Variants in KAT2B observed in about 807,000 individuals in gnomAD.
KAT2B encodes the protein lysine acetyltransferase 2B, also known as histone acetyltransferase KAT2B.
Under a neutral mutation model 105.9 loss-of-function variants are expected in KAT2B, and 36 were observed. That is an observed-to-expected ratio of 0.34 (90% CI 0.26 to 0.45). KAT2B has a LOEUF of 0.45. Among genes scored for constraint, KAT2B ranks in the 20% least tolerant of loss-of-function variants. KAT2B has a pLI of 1.00. For missense variants in KAT2B, 820 were observed against 1,021.6 expected, an observed-to-expected ratio of 0.80 and a Z score of 2.69; for synonymous variants, 397 against 377.9, an observed-to-expected ratio of 1.05 and a Z score of -0.59.
chr3:20,127,336 T>A lies in KAT2B; in HGVS notation c.1623-87T>A, dbSNP rs550220820. 6.6e-5 allele frequency: 77 copies of A among 1,173,958 alleles called. No individual in the cohort carries two copies. The Admixed American group carries it at 1.5e-3, about 22-fold the overall frequency. 72.7% of individuals were successfully genotyped at this position (1,173,958 alleles called of 1,614,324 possible). A position where few individuals can be genotyped will look rare whatever the true frequency, so the allele number is the denominator to read the frequency against. On this transcript the variant is annotated intron_variant, in intron 10 of 17. Coordinates refer to ENST00000263754, the MANE Select transcript of KAT2B (RefSeq NM_003884.5). ...ATAGAAACTTAGGACATGTCCCTCTTTCTTAGTTGGTTAATAAGGAACACC... is the reference window on the plus strand; with the variant it reads ...ATAGAAACTTAGGACATGTCCCTCTATCTTAGTTGGTTAATAAGGAACACC...
At chr3:20,101,054 G>C in intron 4 of KAT2B, 1 of 511,672 alleles carries the variant, frequency 2.0e-6, no homozygotes, top group East Asian at 3.0e-5. Context: ...ATTTCAGCAG[G>C]CGTAGAATCA....
At chr3:20,141,423 A>G (rs940837866) in intron 13 of KAT2B, among the ~76,000 whole-genome samples, 1 of 152,120 alleles carries the variant, frequency 6.6e-6, no homozygotes, top group Non-Finnish European at 1.5e-5. Flanking sequence ...CACAAAGGCC[A>G]TTTATTGAAA....
intron 1 of KAT2B, among the ~76,000 whole-genome samples, chr3:20,061,964 A>T (rs1289651820): frequency 9.6e-6 from 1 of 104,530 alleles, no homozygotes; most frequent in Non-Finnish European, 1.8e-5. Flanking sequence ...TATAAAACAT[A>T]ATATATATTA....
chr3:20,139,052 C>A (rs1227257032), intron 12 of KAT2B, among the ~76,000 whole-genome samples: 1 of 139,330 alleles, frequency 7.2e-6, no homozygotes, highest in Non-Finnish European at 1.5e-5. Flanking sequence ...TGCCACCATG[C>A]CCAGCAATTT....
chr3:20,058,998 A>C (rs34515517), intron 1 of KAT2B, among the ~76,000 whole-genome samples: 26,286 of 152,124 alleles, frequency 0.17, 2,968 homozygotes, highest in Non-Finnish European at 0.26. Context: ...AGTAGATTGG[A>C]GTTTGAGAAG....
intron 11 of KAT2B, among the ~76,000 whole-genome samples, chr3:20,130,637 C>A (rs548479473): frequency 1.3e-5 from 2 of 152,086 alleles, no homozygotes; most frequent in African/African-American, 4.8e-5. Context: ...GTATTTAATA[C>A]GAATTGGATA....
intron 12 of KAT2B, 85 bp downstream of exon 12, chr3:20,137,137 C>A: frequency 1.4e-6 from 1 of 714,428 alleles, no homozygotes; most frequent in Non-Finnish European, 2.5e-6. Context: ...AAGTTTCTCC[C>A]CCAGTGTTTT....
chr3:20,080,735 TTTGAATTGTGCTGTAAGC>T (rs1698503795), intron 2 of KAT2B, among the ~76,000 whole-genome samples: 1 of 152,170 alleles, frequency 6.6e-6, no homozygotes, highest in African/African-American at 2.4e-5. Flanking sequence ...ATTTCACTAG[TTTGAATTGTGCTGTAAGC>T]GTGAAATGCA....
At chr3:20,126,283 A>G (rs1034392224) in intron 10 of KAT2B, among the ~76,000 whole-genome samples, 170 bp downstream of exon 10, 2 of 152,138 alleles carry the variant, frequency 1.3e-5, no homozygotes, top group Non-Finnish European at 2.9e-5. Flanking sequence ...GCTAAGAGTA[A>G]TTTTCAACAA....
chr3:20,061,826 AAT>A (rs1190589579), intron 1 of KAT2B, among the ~76,000 whole-genome samples: 7 of 89,310 alleles, frequency 7.8e-5, no homozygotes, highest in Admixed American at 7.6e-4. Context: ...TAAAGTATAT[AAT>A]ATATAATATA....
chr3:20,152,184 T>G (rs1699879632), intron 17 of KAT2B, 148 bp from the exon 18 acceptor site: 1 of 548,392 alleles, frequency 1.8e-6, no homozygotes, highest in South Asian at 3.1e-5. Flanking sequence ...ACTGTTTTCC[T>G]TGGTCATAAG....
chr3:20,111,741 A>C lies in KAT2B; in HGVS notation c.997A>C (p.Lys333Gln), dbSNP rs995881789. Residue 333 changes from lysine to glutamine, a missense_variant, in exon 6 of 18, where the codon AAA becomes CAA. Around this residue, in one of 6 missense-constraint regions of KAT2B, gnomAD observed 173 missense variants for 249.5 expected, o/e 0.69. Coordinates refer to ENST00000263754, the MANE Select transcript of KAT2B (RefSeq NM_003884.5). ...LLEQARQEKD[K>Q]LPLEKRTLIL... is the part of the protein sequence containing the mutation. The stretch of plus-strand genomic sequence containing the variant: ...GGAACAAGCAAGACAGGAAAAAGAT[A>C]AACTGCCTCTTGAAAAACGAACTCT... The C allele has an allele frequency of 4.3e-6, 7 of 1,614,042 alleles. No individual in the cohort carries two copies. The South Asian group carries it at 7.7e-5, about 18-fold the overall frequency.
chr3:20,079,489 C>T (rs1402607772), intron 2 of KAT2B, among the ~76,000 whole-genome samples: 1 of 152,158 alleles, frequency 6.6e-6, no homozygotes, highest in East Asian at 1.9e-4. Flanking sequence ...CAGGCGTGAG[C>T]CACCGCTTCT....
rs554683099 is a variant in KAT2B at position 20,099,773 on chromosome 3, GAGAC to G, written c.577-81_577-78del. 7.0e-4 allele frequency: 469 copies of G among 670,204 alleles called. 1 individual carries two copies. The highest frequency in any genetic ancestry group is 6.3e-3 in the African/African-American group (345 of 54,832). The allele number at this position is 670,204 out of a possible 1,614,324, so 41.5% of individuals were successfully genotyped here. A position where few individuals can be genotyped will look rare whatever the true frequency, so the allele number is the denominator to read the frequency against. ...TGTGTGTGTGTAAGAGAGAGAGAGA[GAGAC>G]AGACAGAAACAGAAGAGAGAGGAGA... On this transcript the variant is annotated intron_variant, in intron 3 of 17. Coordinates refer to ENST00000263754, the MANE Select transcript of KAT2B (RefSeq NM_003884.5).
intron 1 of KAT2B, among the ~76,000 whole-genome samples, chr3:20,052,865 A>AATCCCAGCTG (rs1446254209): frequency 5.3e-5 from 8 of 152,134 alleles, no homozygotes; most frequent in Admixed American, 3.3e-4. Flanking sequence ...AATCCCAGCT[A>AATCCCAGCTG]TTCGGGAGGC....
chr3:20,049,298 C>T (rs1432081387), intron 1 of KAT2B, among the ~76,000 whole-genome samples: 1 of 152,158 alleles, frequency 6.6e-6, no homozygotes. Context: ...CCACAAATGT[C>T]TATTTAATTT....
At chr3:20,064,862 G>A (rs1302971682) in intron 1 of KAT2B, among the ~76,000 whole-genome samples, 2 of 152,128 alleles carry the variant, frequency 1.3e-5, no homozygotes, top group Non-Finnish European at 2.9e-5. Context: ...CAACAAATGC[G>A]ACTTTCCAAT....
Position 20,069,908 on chromosome 3 carries a change from G to A in KAT2B, c.304-2425G>A, listed in dbSNP as rs1166708945. On this transcript the variant is annotated intron_variant, in intron 1 of 17. Transcript: ENST00000263754. ...GGTTTGCCATATTCTCCTATTCACT[G>A]TCTTCATTGTAAATTCTCATGACAA... Among the ~76,000 whole-genome samples, 3 of 152,252 alleles carry A rather than the reference G, an allele frequency of 2.0e-5. No homozygotes were observed. In the South Asian group the frequency reaches 6.2e-4, roughly 32 times the overall value.
intron 1 of KAT2B, among the ~76,000 whole-genome samples, chr3:20,062,121 C>CATATAATATATATTATATATAAA (rs1698127817): frequency 1.8e-5 from 1 of 54,092 alleles, no homozygotes; most frequent in Admixed American, 3.0e-4. Context: ...TTATATAAAA[C>CATATAATATATATTATATATAAA]ATATATATAT....
Sources: gnomAD v4.1 joint callset for allele counts (sites outside exome capture counted in the v4.1 genomes callset) on GRCh38, gnomAD v4.1.1 for gene constraint, gnomAD v4.1.1 regional missense constraint, MANE v1.5 for transcripts, NCBI Gene and HGNC (gene_info 2026-07-23, HGNC 2026-07-21) for gene names.